The following PLPP5 variants were observed in gnomAD, a reference collection of about 807,000 sequenced individuals.
PLPP5 encodes the protein phospholipid phosphatase 5, also known as diacylglycerol pyrophosphate like 1.
In PLPP5, 29 loss-of-function variants were observed where a neutral mutation model predicts 23.6. The observed-to-expected ratio is 1.23, with a 90% CI of 0.92 to 1.68. The LOEUF is 1.68. Ranked by LOEUF, PLPP5 falls within the 40% of genes most tolerant of loss-of-function variation. PLPP5 has a pLI of 0.00. For synonymous variants in PLPP5, 143 were observed against 131.3 expected (o/e 1.09, Z -0.61); for missense variants, 315 against 332.1 (o/e 0.95, Z 0.40).
chr8:38,268,161 A>G, intron 3 of PLPP5: 1 of 1,314,156 alleles, frequency 7.6e-7, no homozygotes, highest in Non-Finnish European at 1.0e-6. Context: ...CTGAGGTACA[A>G]ATAACCCAGT....
At position 38,267,171 on chromosome 8, in the gene PLPP5, C is replaced by G. The variant is rs779894545; in HGVS notation, c.463+96G>C. On this transcript the variant is annotated intron_variant, in intron 5 of 6. Coordinates refer to ENST00000424479, the MANE Select transcript of PLPP5 (RefSeq NM_001102559.2). Reference sequence around the variant, plus strand: ...GGGGGGATTTTCCAAATTGTAGAAACAAGAGTAGTCAGATTTTCCCATCCC... The same window carrying G: ...GGGGGGATTTTCCAAATTGTAGAAAGAAGAGTAGTCAGATTTTCCCATCCC... The G allele has an allele frequency of 3.2e-5, 52 of 1,604,254 alleles. No homozygotes were observed. The East Asian group carries it at 1.2e-3, about 36-fold the overall frequency.
chr8:38,268,166 C>A, intron 3 of PLPP5: 1 of 1,292,750 alleles, frequency 7.7e-7, no homozygotes, highest in Non-Finnish European at 1.0e-6. Context: ...GTACAAATAA[C>A]CCAGTGCATT....
In PLPP5 at chr8:38,268,879, C is replaced by G; in HGVS notation, c.183+3G>C. 1.9e-6 allele frequency: 3 copies of G among 1,551,294 alleles called. No individual in the cohort carries two copies. Among genetic ancestry groups the G allele is most frequent in the East Asian group, 4.7e-5 (2 of 42,476 alleles). On this transcript the variant is annotated splice_donor_region_variant and intron_variant, in intron 2 of 6. Coordinates refer to ENST00000424479, the MANE Select transcript of PLPP5 (RefSeq NM_001102559.2). ...GGAGGAAAGACGATCTTTCTCCACG[C>G]ACAAACATCGGCTTGGTGGGGAAAT... is the stretch of plus-strand genomic sequence containing the variant.
intron 2 of PLPP5, 66 bp from the exon 3 acceptor site, chr8:38,268,527 A>G: frequency 6.5e-7 from 1 of 1,539,126 alleles, no homozygotes; most frequent in African/African-American, 1.4e-5. Flanking sequence ...CCTACAGGAA[A>G]GAGGGATGTG....
intron 3 of PLPP5, 103 bp from the exon 4 acceptor site, chr8:38,268,063 C>A: frequency 6.4e-7 from 1 of 1,571,104 alleles, no homozygotes; most frequent in Non-Finnish European, 8.6e-7. Flanking sequence ...TGGATAGAAT[C>A]CAACCAGGCC....
chr8:38,269,182 C>T lies in PLPP5; in HGVS notation c.18G>A (p.Ala6=), dbSNP rs1157567372. 4.7e-6 allele frequency: 7 copies of T among 1,503,280 alleles called. No homozygotes were observed. Among genetic ancestry groups the T allele is most frequent in the Non-Finnish European group, 6.2e-6 (7 of 1,134,012 alleles). The allele number at this position is 1,503,280 out of a possible 1,614,324, so 93.1% of individuals were successfully genotyped here. The change falls in exon 1 of 7, where the codon GCG becomes GCA. Residue 6 remains alanine (A), a synonymous_variant. Transcript: ENST00000424479. MGKAA[A]AVAFGAEVGV... ...CCACTTCGGCCCCAAAGGCCACCGC[C>T]GCCGCCGCCTTCCCCATCCGGCCGC...
At chr8:38,267,601 A>T in intron 4 of PLPP5, 2 of 656,796 alleles carry the variant, frequency 3.0e-6, no homozygotes, top group East Asian at 5.5e-5. Flanking sequence ...CCAGCACATG[A>T]TTACTTTTTA....
At position 38,267,360 on chromosome 8, in the gene PLPP5, G is replaced by A. The variant is rs11539529; in HGVS notation, c.370C>T (p.Pro124Ser). The change falls in exon 5 of 7, where the codon CCT (proline) becomes TCT (serine). Residue 124 changes from proline (P) to serine (S), a missense_variant. Coordinates refer to ENST00000424479, the MANE Select transcript of PLPP5 (RefSeq NM_001102559.2). ...AAGTCAGAATGGGCTAGCCCATCAGGGAAGCAGCGGTAGAAGAAATCTGGG... is the reference window on the plus strand; with the variant it reads ...AAGTCAGAATGGGCTAGCCCATCAGAGAAGCAGCGGTAGAAGAAATCTGGG... ...PRPDFFYRCF[P>S]DGLAHSDLMC... 388 of 1,613,762 alleles carry A rather than the reference G, an allele frequency of 2.4e-4. No homozygotes were observed. Among genetic ancestry groups the A allele is most frequent in the Non-Finnish European group, 2.7e-4 (320 of 1,179,852 alleles).
intron 1 of PLPP5, 61 bp downstream of exon 1, chr8:38,269,065 C>T: frequency 3.3e-6 from 5 of 1,525,006 alleles, no homozygotes; most frequent in Middle Eastern, 1.8e-4. Context: ...ACCCGCCGCC[C>T]CGTGCCGCCC....
intron 6 of PLPP5, 116 bp from the exon 7 acceptor site, chr8:38,264,720 C>T (rs1366712565): frequency 4.9e-6 from 7 of 1,437,886 alleles, no homozygotes; most frequent in Non-Finnish European, 6.4e-6. Context: ...CTAAAATAAC[C>T]TCAATTCCAG....
At position 38,263,464 on chromosome 8, in the gene PLPP5, A is replaced by G. The variant is rs1807195255; in HGVS notation, c.*980T>C. On this transcript the variant is annotated 3_prime_UTR_variant, in exon 7 of 7. Coordinates refer to ENST00000424479, the MANE Select transcript of PLPP5 (RefSeq NM_001102559.2). ...AAGTACAGTTATGGTCAAATGAGGT[A>G]GAAACAGTCATCTGTTAGTAGTGCT... is the stretch of plus-strand genomic sequence containing the variant. 1.0e-6 allele frequency: 1 copy of G among 985,236 alleles called. No homozygotes were observed. The highest frequency in any genetic ancestry group is 6.1e-5 in the Admixed American group (1 of 16,268). 61.0% of individuals were successfully genotyped at this position (985,236 alleles called of 1,614,324 possible).
chr8:38,268,007 G>T, intron 3 of PLPP5, 47 bp from the exon 4 acceptor site: 1 of 1,613,746 alleles, frequency 6.2e-7, no homozygotes, highest in Non-Finnish European at 8.5e-7. Context: ...AGGAGGAAAG[G>T]TATGGTCATG....
At chr8:38,268,023 G>A (rs1177705487) in intron 3 of PLPP5, 63 bp from the exon 4 acceptor site, 117 of 1,612,036 alleles carry the variant, frequency 7.3e-5, no homozygotes, top group African/African-American at 9.3e-5. Context: ...TCATGGCCTC[G>A]TTATGAGAGC....
At position 38,263,317 on chromosome 8, in the gene PLPP5, AAAAAGATTCATCT is replaced by A. The variant is rs1475944969; in HGVS notation, c.*1114_*1126del. The A allele has an allele frequency of 2.2e-6, 2 of 915,592 alleles. No homozygotes were observed. Among genetic ancestry groups the A allele is most frequent in the Non-Finnish European group, 2.6e-6 (2 of 766,450 alleles). 56.7% of individuals were successfully genotyped at this position (915,592 alleles called of 1,614,324 possible). On this transcript the variant is annotated 3_prime_UTR_variant, in exon 7 of 7. Coordinates refer to ENST00000424479, the MANE Select transcript of PLPP5 (RefSeq NM_001102559.2). ...ATATTCCATTGTGAAGAAGGGGCAG[AAAAAGATTCATCT>A]GTCCTTCAGATGACGATACCTGTCA... is the stretch of plus-strand genomic sequence containing the variant.
Position 38,267,281 on chromosome 8 carries a change from C to G in PLPP5, c.449G>C (p.Ser150Thr). The change falls in exon 5 of 7, where the codon AGT (serine) becomes ACT (threonine). Residue 150 changes from serine to threonine, a missense_variant. Physicochemically the swap from Ser to Thr is moderately conservative, Grantham distance 58. Transcript: ENST00000424479. ...GATATTCATACAGGAAGAATGTCCA[C>G]TGGGGAAGCTCTTTCGGCCCTCATT... Reference protein sequence around the residue: ...VVNEGRKSFPSGHSSFAFAGL... With the variant: ...VVNEGRKSFPTGHSSFAFAGL... 1.9e-6 allele frequency: 3 copies of G among 1,613,972 alleles called. No homozygotes were observed. Among genetic ancestry groups the G allele is most frequent in the Non-Finnish European group, 2.5e-6 (3 of 1,179,890 alleles).
chr8:38,264,288 C>T lies in PLPP5; in HGVS notation c.*156G>A, dbSNP rs867844383. 5.0e-5 allele frequency: 36 copies of T among 716,452 alleles called. No individual in the cohort carries two copies. In the East Asian group the frequency reaches 5.1e-4, roughly 10 times the overall value. The allele number at this position is 716,452 out of a possible 1,614,324, so 44.4% of individuals were successfully genotyped here. ...TCAGCCTCCCAGGTAGCTGGGATTA[C>T]GGCACACAACTCCTGGCTAATTTTT... On this transcript the variant is annotated 3_prime_UTR_variant, in exon 7 of 7. Coordinates refer to ENST00000424479, the MANE Select transcript of PLPP5 (RefSeq NM_001102559.2).
intron 4 of PLPP5, 119 bp downstream of exon 4, chr8:38,267,778 T>G: frequency 9.4e-7 from 1 of 1,066,950 alleles, no homozygotes; most frequent in African/African-American, 1.6e-5. Flanking sequence ...AAAAGAAAAA[T>G]CAGAGTGAAG....
intron 3 of PLPP5, 134 bp from the exon 4 acceptor site, chr8:38,268,094 G>A: frequency 6.7e-7 from 1 of 1,493,660 alleles, no homozygotes; most frequent in Non-Finnish European, 8.9e-7. Context: ...AATAATTAGG[G>A]TCCTCAGTGA....
chr8:38,265,008 C>T (rs1807367328), intron 6 of PLPP5: 10 of 1,184,064 alleles, frequency 8.4e-6, no homozygotes, highest in Non-Finnish European at 1.3e-5. Context: ...GTGACTCACG[C>T]CTGTAATCCC....
Sources: allele counts gnomAD v4.1 joint callset, GRCh38; gene constraint gnomAD v4.1.1; transcripts MANE v1.5; gene names NCBI Gene and HGNC (gene_info 2026-07-23, HGNC 2026-07-21).